The following MDGA2 variants were observed in gnomAD, a reference collection of about 807,000 sequenced individuals.
MDGA2 encodes the protein MAM domain containing glycosylphosphatidylinositol anchor 2, also known as MAM domain-containing glycosylphosphatidylinositol anchor protein 2.
A neutral mutation model predicts 117.8 loss-of-function variants in MDGA2; 40 were observed. The observed-to-expected ratio is 0.34, with a 90% CI of 0.26 to 0.44. The LOEUF (loss-of-function observed/expected upper bound fraction) is 0.44. Ranked by LOEUF, MDGA2 falls within the 20% of genes least tolerant of loss-of-function variation. The probability of loss-of-function intolerance (pLI) is 1.00; values close to 1 mark genes in which losing one functional copy is unlikely to be tolerated. For synonymous variants in MDGA2, 452 were observed against 439.0 expected (o/e 1.03, Z -0.37); for missense variants, 1,123 against 1,250.6 (o/e 0.90, Z 1.54).
chr14:47,253,230 CT>C (rs777072298), intron 2 of MDGA2, among the ~76,000 whole-genome samples: 1 of 152,210 alleles, frequency 6.6e-6, no homozygotes, highest in Admixed American at 6.5e-5. Flanking sequence ...ACAATCATGA[CT>C]TCCCAACAGT....
chr14:47,540,536 G>GTGTA (rs1175396105), intron 1 of MDGA2, among the ~76,000 whole-genome samples: 2 of 71,086 alleles, frequency 2.8e-5, no homozygotes, highest in African/African-American at 4.0e-5. Context: ...GTGTGTGTGT[G>GTGTA]TGTGTATATA....
At chr14:47,150,824 T>C (rs1198139548) in intron 3 of MDGA2, among the ~76,000 whole-genome samples, 2 of 150,736 alleles carry the variant, frequency 1.3e-5, no homozygotes, top group African/African-American at 4.9e-5. Context: ...CTCAGAAGGC[T>C]GAGGCATGAG....
intron 2 of MDGA2, among the ~76,000 whole-genome samples, chr14:47,282,530 AC>A (rs1186261924): frequency 6.6e-6 from 1 of 151,500 alleles, no homozygotes; most frequent in African/African-American, 2.4e-5. Context: ...ATAAACACAC[AC>A]ACACACACAC....
At chr14:47,310,556 A>C (rs1889602734) in intron 1 of MDGA2, among the ~76,000 whole-genome samples, 1 of 152,138 alleles carries the variant, frequency 6.6e-6, no homozygotes, top group Admixed American at 6.6e-5. Flanking sequence ...TAGGGAACTA[A>C]GCTTTCCTCT....
chr14:47,392,669 A>C (rs1891922715), intron 1 of MDGA2, among the ~76,000 whole-genome samples: 1 of 152,182 alleles, frequency 6.6e-6, no homozygotes, highest in Non-Finnish European at 1.5e-5. Context: ...TGCTAGGAAC[A>C]GATGAGGAGC....
At chr14:47,523,537 A>G (rs1894912467) in intron 1 of MDGA2, among the ~76,000 whole-genome samples, 1 of 152,192 alleles carries the variant, frequency 6.6e-6, no homozygotes, top group Non-Finnish European at 1.5e-5. Flanking sequence ...AACATCTGTA[A>G]TCGATCCATG....
intron 3 of MDGA2, among the ~76,000 whole-genome samples, chr14:47,206,114 A>G (rs1222401676): frequency 6.6e-6 from 1 of 152,078 alleles, no homozygotes; most frequent in Non-Finnish European, 1.5e-5. Context: ...CAACCAAAAC[A>G]TACTGACCCC....
At chr14:47,639,228 CT>C (rs1897378712) in intron 1 of MDGA2, among the ~76,000 whole-genome samples, 1 of 152,046 alleles carries the variant, frequency 6.6e-6, no homozygotes, top group South Asian at 2.1e-4. Flanking sequence ...CTATTTTACC[CT>C]CTTAGAATGT....
At chr14:46,881,694 A>G (rs1882465769) in intron 11 of MDGA2, among the ~76,000 whole-genome samples, 1 of 152,064 alleles carries the variant, frequency 6.6e-6, no homozygotes, top group Non-Finnish European at 1.5e-5. Flanking sequence ...ATGAATTTTG[A>G]TCTTTTTTTA....
intron 14 of MDGA2, among the ~76,000 whole-genome samples, chr14:46,865,513 T>G (rs1595005062): frequency 6.6e-6 from 1 of 152,260 alleles, no homozygotes; most frequent in East Asian, 1.9e-4. Flanking sequence ...CCAGTCCTAT[T>G]CAACATAGTG....
chr14:47,299,639 CATT>C (rs1889208257), intron 2 of MDGA2: 1 of 152,100 alleles, frequency 6.6e-6, no homozygotes, highest in Non-Finnish European at 1.5e-5. Flanking sequence ...TTTTTGGTAA[CATT>C]ATTTTCACTG....
chr14:47,283,384 AT>A (rs774852205), intron 2 of MDGA2, among the ~76,000 whole-genome samples: 1 of 152,198 alleles, frequency 6.6e-6, no homozygotes, highest in African/African-American at 2.4e-5. Flanking sequence ...ATTTTTTGCT[AT>A]TTAATGCAAT....
At chr14:47,028,583 T>A (rs936913967) in intron 8 of MDGA2, among the ~76,000 whole-genome samples, 1 of 152,144 alleles carries the variant, frequency 6.6e-6, no homozygotes, top group African/African-American at 2.4e-5. Flanking sequence ...CTAGTGTCCA[T>A]GGAGCTATCA....
intron 3 of MDGA2, among the ~76,000 whole-genome samples, chr14:47,192,284 A>G (rs1885143498): frequency 6.6e-6 from 1 of 152,154 alleles, no homozygotes; most frequent in Non-Finnish European, 1.5e-5. Flanking sequence ...AATTTGGGAC[A>G]GACCAGAAGA....
At chr14:47,583,304 C>T (rs1287747375) in intron 1 of MDGA2, among the ~76,000 whole-genome samples, 1 of 151,826 alleles carries the variant, frequency 6.6e-6, no homozygotes, top group Non-Finnish European at 1.5e-5. Context: ...GAGATTAAAG[C>T]TGAGCTCTGA....
chr14:47,048,982 A>C (rs562293535), intron 7 of MDGA2, among the ~76,000 whole-genome samples: 3 of 152,234 alleles, frequency 2.0e-5, no homozygotes, highest in African/African-American at 2.4e-5. Context: ...TAGATAACTC[A>C]TTCTGGACTA....
chr14:47,176,530 G>C lies in MDGA2; in HGVS notation c.596-32256C>G, dbSNP rs551501811. 2.6e-5 allele frequency among the ~76,000 whole-genome samples: 4 copies of C among 152,258 alleles called. No homozygotes were observed. In the South Asian group the frequency reaches 8.3e-4, roughly 32 times the overall value. On this transcript the variant is annotated intron_variant, in intron 3 of 16. Transcript: ENST00000399232. ...CAACTATCTGATCTTTGACAAACCTGAGAAAAACAAGCAATGGAGAAAGGA... is the reference window on the plus strand; with the variant it reads ...CAACTATCTGATCTTTGACAAACCTCAGAAAAACAAGCAATGGAGAAAGGA...
chr14:47,376,962 A>C (rs903321176), intron 1 of MDGA2, among the ~76,000 whole-genome samples: 1 of 152,212 alleles, frequency 6.6e-6, no homozygotes, highest in Non-Finnish European at 1.5e-5. Flanking sequence ...CTGGTGGACT[A>C]TAGAAAAAAT....
chr14:47,006,905 A>T (rs1887731665), intron 8 of MDGA2, among the ~76,000 whole-genome samples: 1 of 151,686 alleles, frequency 6.6e-6, no homozygotes, highest in South Asian at 2.1e-4. Flanking sequence ...GTATTAACAG[A>T]CTATTATTGT....
Sources: gnomAD v4.1 joint callset for allele counts (sites outside exome capture counted in the v4.1 genomes callset) on GRCh38, gnomAD v4.1.1 for gene constraint, MANE v1.5 for transcripts, NCBI Gene and HGNC (gene_info 2026-07-23, HGNC 2026-07-21) for gene names.